Variants in LETM1 observed in about 807,000 individuals in gnomAD.
The protein encoded by LETM1 is leucine zipper and EF-hand containing transmembrane protein 1.
Under a neutral mutation model 74.5 loss-of-function variants are expected in LETM1, and 50 were observed. The observed-to-expected ratio is 0.67, with a 90% CI of 0.53 to 0.85. The LOEUF (loss-of-function observed/expected upper bound fraction) is 0.85. LETM1 is among the 40% of genes least tolerant of loss of function. LETM1 has a pLI of 0.00. For synonymous variants in LETM1, 446 were observed against 407.1 expected, an observed-to-expected ratio of 1.10 and a Z score of -1.15; for missense variants, 824 against 967.8, an observed-to-expected ratio of 0.85 and a Z score of 1.97.
chr4:1,842,572 A>T (rs1399311077), intron 2 of LETM1, among the ~76,000 whole-genome samples: 2 of 152,216 alleles, frequency 1.3e-5, no homozygotes, highest in Non-Finnish European at 2.9e-5. Flanking sequence ...CTTAGAGACC[A>T]GGTGCACACT....
At chr4:1,820,618 G>C (rs1711743406) in intron 10 of LETM1, among the ~76,000 whole-genome samples, 1 of 152,218 alleles carries the variant, frequency 6.6e-6, no homozygotes, top group South Asian at 2.1e-4. Context: ...GCATGTGCAG[G>C]ACATCTGCAT....
At chr4:1,822,883 C>G (rs1301955400) in intron 9 of LETM1, 105 bp downstream of exon 9, 2 of 1,113,004 alleles carry the variant, frequency 1.8e-6, no homozygotes, top group Non-Finnish European at 1.1e-6. Context: ...CAGGACAGAG[C>G]TGCAGGGCAA....
At chr4:1,842,988 C>T (rs761316624) in intron 2 of LETM1, 11 of 334,140 alleles carry the variant, frequency 3.3e-5, no homozygotes, top group South Asian at 2.1e-4. Context: ...CAAATCCCCC[C>T]GGGTGGCCCG....
At chr4:1,833,296 C>T (rs1712345693) in intron 5 of LETM1, 1 of 299,126 alleles carries the variant, frequency 3.3e-6, no homozygotes, top group South Asian at 3.4e-5. Context: ...TCTCAAATAC[C>T]CGACCTCAAG....
chr4:1,845,442 T>C (rs895348409), intron 2 of LETM1, among the ~76,000 whole-genome samples: 9 of 152,184 alleles, frequency 5.9e-5, no homozygotes, highest in African/African-American at 2.2e-4. Context: ...CTTTGTATTT[T>C]TGTACTAAAA....
intron 13 of LETM1, among the ~76,000 whole-genome samples, chr4:1,814,834 G>T (rs909135420): frequency 3.1e-4 from 47 of 152,212 alleles, no homozygotes; most frequent in Admixed American, 2.2e-3. Context: ...GGCTGCCAGG[G>T]TCAAGTTCCT....
chr4:1,852,775 G>A (rs565870112), intron 1 of LETM1, among the ~76,000 whole-genome samples: 5 of 152,264 alleles, frequency 3.3e-5, no homozygotes, highest in Admixed American at 6.5e-5. Context: ...CAGGAGGATC[G>A]CTTGGAGGCT....
At chr4:1,815,862 T>G in intron 12 of LETM1, 60 bp from the exon 13 acceptor site, 1 of 1,592,070 alleles carries the variant, frequency 6.3e-7, no homozygotes, top group Non-Finnish European at 8.6e-7. Context: ...AGGGCCTCAC[T>G]GCCCACACCT....
intron 11 of LETM1, among the ~76,000 whole-genome samples, chr4:1,819,102 G>A (rs1054431530): frequency 2.0e-5 from 3 of 151,452 alleles, no homozygotes; most frequent in Non-Finnish European, 2.9e-5. Context: ...AAAAAAAAAG[G>A]TGCACACACA....
chr4:1,844,886 GAAAAAA>G (rs971183682), intron 2 of LETM1, among the ~76,000 whole-genome samples: 2 of 51,046 alleles, frequency 3.9e-5, no homozygotes, highest in Admixed American at 2.3e-4. Context: ...TGTCTCTACA[GAAAAAA>G]AAAAAAAAAA....
intron 9 of LETM1, chr4:1,822,773 T>C (rs1049401199): frequency 1.7e-5 from 7 of 414,102 alleles, no homozygotes; most frequent in Non-Finnish European, 2.1e-5. Context: ...ATATCTCCCA[T>C]GAGCACCACT....
intron 1 of LETM1, among the ~76,000 whole-genome samples, chr4:1,852,775 G>C (rs565870112): frequency 6.6e-6 from 1 of 152,146 alleles, no homozygotes; most frequent in Non-Finnish European, 1.5e-5. Context: ...CAGGAGGATC[G>C]CTTGGAGGCT....
rs144059275 is a variant in LETM1, at chr4:1,834,917, G to A, written c.804C>T (p.Ile268=). Residue 268 remains isoleucine (I), a synonymous_variant, in exon 5 of 14, where the codon ATC becomes ATT. Coordinates refer to ENST00000302787, the MANE Select transcript of LETM1 (RefSeq NM_012318.3). The surrounding 1 kb of genome is among the most constrained non-coding windows in gnomAD (Gnocchi z 5.0). The part of the protein sequence containing the change: ...LELAKFLQDT[I]EEMALKNKAA... ...CCTTGTTCTTCAAGGCCATCTCCTC[G>A]ATGGTGTCCTGGAGGAACTTGGCCA... is the stretch of plus-strand genomic sequence containing the variant. The A allele has an allele frequency of 1.7e-4, 269 of 1,614,144 alleles. No individual in the cohort carries two copies. In the African/African-American group the frequency reaches 3.2e-3, roughly 19 times the overall value.
At position 1,814,442 on chromosome 4, in the gene LETM1, G is replaced by A. The variant is rs774128566; in HGVS notation, c.2202C>T (p.Val734=). 2.4e-5 allele frequency: 39 copies of A among 1,614,068 alleles called. No homozygotes were observed. Among genetic ancestry groups the A allele is most frequent in the Middle Eastern group, 3.3e-4 (2 of 6,084 alleles). ...EKAKEKAEKE[V]AEVKS is the part of the protein sequence containing the mutation. ...AGTGGTTCTAGCTCTTCACCTCTGC[G>A]ACCTCCTTCTCTGCCTTCTCTTTGG... Residue 734 remains valine, a synonymous_variant, in exon 14 of 14, where the codon GTC becomes GTT. Coordinates refer to ENST00000302787, the MANE Select transcript of LETM1 (RefSeq NM_012318.3).
intron 2 of LETM1, among the ~76,000 whole-genome samples, chr4:1,846,235 G>A (rs1712879652): frequency 6.6e-6 from 1 of 151,946 alleles, no homozygotes; most frequent in Non-Finnish European, 1.5e-5. Flanking sequence ...TTAAGTAGAT[G>A]TTCAAAATTG....
chr4:1,835,525 G>C (rs565420113), intron 4 of LETM1, among the ~76,000 whole-genome samples: 32 of 152,218 alleles, frequency 2.1e-4, no homozygotes, highest in African/African-American at 7.2e-4. Context: ...AGCAAGGATC[G>C]GCACACTTTC....
chr4:1,817,490 G>C (rs1711609660), intron 11 of LETM1, among the ~76,000 whole-genome samples: 1 of 152,124 alleles, frequency 6.6e-6, no homozygotes, highest in African/African-American at 2.4e-5. Context: ...GAGCCCAGGA[G>C]GTGGAGGCTG....
chr4:1,851,450 T>G (rs527387928), intron 1 of LETM1, among the ~76,000 whole-genome samples: 1 of 152,236 alleles, frequency 6.6e-6, no homozygotes, highest in Non-Finnish European at 1.5e-5. Flanking sequence ...TTCACCTCAT[T>G]TAACAGGAGG....
At chr4:1,850,587 G>A (rs1407786984) in intron 1 of LETM1, among the ~76,000 whole-genome samples, 1 of 149,170 alleles carries the variant, frequency 6.7e-6, no homozygotes, top group East Asian at 2.0e-4. Context: ...AGCTTGCAGT[G>A]AGCTGAGATC....
Sources: gnomAD v4.1 joint callset for allele counts (sites outside exome capture counted in the v4.1 genomes callset) on GRCh38, gnomAD v4.1.1 for gene constraint, Gnocchi (gnomAD v3.1) non-coding constraint, MANE v1.5 for transcripts, NCBI Gene and HGNC (gene_info 2026-07-23, HGNC 2026-07-21) for gene names.